The following EIF5B variants were observed in gnomAD, a reference collection of about 807,000 sequenced individuals.
EIF5B encodes eukaryotic translation initiation factor 5B.
In EIF5B, 47 loss-of-function variants were observed where a neutral mutation model predicts 147.5. The observed-to-expected ratio is 0.32, with a 90% confidence interval of 0.25 to 0.41. The LOEUF (loss-of-function observed/expected upper bound fraction) is 0.41. EIF5B is among the 10% of genes least tolerant of loss of function. The pLI, the probability that EIF5B is intolerant of heterozygous loss-of-function variation, is 1.00. For missense variants in EIF5B, 1,064 were observed against 1,413.2 expected (o/e 0.75, Z 3.96); for synonymous variants, 455 against 456.2 (o/e 1.00, Z 0.03).
chr2:99,387,150 C>T (rs565856193), intron 14 of EIF5B, among the ~76,000 whole-genome samples: 4 of 152,230 alleles, frequency 2.6e-5, no homozygotes, highest in Non-Finnish European at 4.4e-5. Flanking sequence ...TCAAGTGATC[C>T]GCCAGCCTTG....
intron 14 of EIF5B, among the ~76,000 whole-genome samples, chr2:99,385,325 G>A (rs979649613): frequency 3.9e-5 from 6 of 152,178 alleles, no homozygotes; most frequent in Admixed American, 2.0e-4. Context: ...GATTACAGGC[G>A]TGAGCCACTG....
chr2:99,383,583 C>G (rs149309441), intron 14 of EIF5B, among the ~76,000 whole-genome samples: 3 of 152,180 alleles, frequency 2.0e-5, no homozygotes, highest in Admixed American at 1.3e-4. Context: ...AGGAAGCTGT[C>G]GAAGAAAAGT....
chr2:99,363,802 G>A lies in EIF5B; in HGVS notation c.1077G>A (p.Lys359=). Residue 359 remains lysine (K), a synonymous_variant, in exon 5 of 24, where the codon AAG becomes AAA. Coordinates refer to ENST00000289371, the MANE Select transcript of EIF5B (RefSeq NM_015904.4). ...TTAAAGAGGAAGAAGAAAGACAGAA[G>A]AGAGAAGAGGAAGAACGTATAAAAC... ...AKLKEEEERQ[K]REEEERIKRL... 1 of 1,613,978 alleles carries A rather than the reference G, an allele frequency of 6.2e-7. No individual in the cohort carries two copies. Among genetic ancestry groups the A allele is most frequent in the South Asian group, 1.1e-5 (1 of 91,028 alleles).
chr2:99,396,775 T>C lies in EIF5B; in HGVS notation c.3270T>C (p.Phe1090=), dbSNP rs1281028896. The change falls in exon 22 of 24, where the codon TTT becomes TTC. Residue 1090 remains phenylalanine (F), a synonymous_variant. Coordinates refer to ENST00000289371, the MANE Select transcript of EIF5B (RefSeq NM_015904.4). ...TTCCTTTCAGGCACATAGCAGTATT[T>C]CCCTGCAAGATAAAAATCCTCCCTC... ...KQEEFKHIAV[F]PCKIKILPQY... 1.9e-6 allele frequency: 3 copies of C among 1,610,880 alleles called. No homozygotes were observed. The highest frequency in any genetic ancestry group is 2.5e-6 in the Non-Finnish European group (3 of 1,179,076).
intron 6 of EIF5B, among the ~76,000 whole-genome samples, chr2:99,367,036 C>G (rs1012403524): frequency 2.0e-5 from 3 of 152,140 alleles, no homozygotes; most frequent in Non-Finnish European, 4.4e-5. Flanking sequence ...TAAAAATTGA[C>G]CCAAATGGGT....
intron 8 of EIF5B, among the ~76,000 whole-genome samples, chr2:99,369,828 T>G (rs1026378678): frequency 6.6e-6 from 1 of 152,004 alleles, no homozygotes; most frequent in Non-Finnish European, 1.5e-5. Context: ...TACAAAAAAT[T>G]AGCCGGGGGT....
chr2:99,389,901 A>G, intron 15 of EIF5B, 52 bp downstream of exon 15: 1 of 1,539,024 alleles, frequency 6.5e-7, no homozygotes, highest in Non-Finnish European at 8.7e-7. Flanking sequence ...TATGTATTAT[A>G]TTATCTTTAT....
At chr2:99,366,729 G>A (rs190416463) in intron 6 of EIF5B, among the ~76,000 whole-genome samples, 1 of 152,082 alleles carries the variant, frequency 6.6e-6, no homozygotes, top group East Asian at 2.0e-4. Flanking sequence ...GTAGCTATCT[G>A]TCAACTAGTT....
At chr2:99,338,171 C>T in intron 1 of EIF5B, 1 of 382,846 alleles carries the variant, frequency 2.6e-6, no homozygotes, top group Non-Finnish European at 4.4e-6. Context: ...TTCTTCCGGC[C>T]TGTTTTTTTT....
chr2:99,365,151 T>G (rs1450756197), intron 6 of EIF5B, among the ~76,000 whole-genome samples: 1 of 152,208 alleles, frequency 6.6e-6, no homozygotes, highest in Non-Finnish European at 1.5e-5. Context: ...TATATTACAG[T>G]CATTTTGGTG....
At chr2:99,399,152 G>T in intron 23 of EIF5B, 155 bp from the exon 24 acceptor site, 1 of 795,924 alleles carries the variant, frequency 1.3e-6, no homozygotes, top group Non-Finnish European at 2.0e-6. Flanking sequence ...CAAACCAGAT[G>T]TGATTTTGGA....
At chr2:99,338,957 T>C (rs943019746) in intron 1 of EIF5B, among the ~76,000 whole-genome samples, 6 of 116,730 alleles carry the variant, frequency 5.1e-5, no homozygotes, top group Non-Finnish European at 7.8e-5. Flanking sequence ...TATACACACA[T>C]ATATATAAAT....
intron 1 of EIF5B, among the ~76,000 whole-genome samples, chr2:99,348,508 A>T (rs1300354740): frequency 6.6e-6 from 1 of 152,180 alleles, no homozygotes; most frequent in African/African-American, 2.4e-5. Context: ...GAAGATGAAG[A>T]CTGGGGAAAT....
chr2:99,361,814 G>C lies in EIF5B; in HGVS notation c.913G>C (p.Ala305Pro). ...AGAGAAAGCAGAGACTCCCACAGCT[G>C]CAGAAGGTTGGTTAATACTTTAGAG... ...SEEKAETPTAAEDDNEGDKKK... is the reference protein window; with the variant it reads ...SEEKAETPTAPEDDNEGDKKK... The change falls in exon 4 of 24, where the codon GCA (alanine) becomes CCA (proline). Residue 305 changes from alanine to proline, a missense_variant. This residue lies in a region of EIF5B where 458 missense variants were observed against 451.3 expected (regional missense o/e 1.01). Coordinates refer to ENST00000289371, the MANE Select transcript of EIF5B (RefSeq NM_015904.4). The C allele has an allele frequency of 6.5e-7, 1 of 1,539,866 alleles. No individual in the cohort carries two copies. The highest frequency in any genetic ancestry group is 8.7e-7 in the Non-Finnish European group (1 of 1,154,444).
rs1675326474 is a variant in EIF5B, at chr2:99,401,095, C to T, written c.*1681C>T. 2.0e-6 allele frequency: 1 copy of T among 497,002 alleles called. No homozygotes were observed. Among genetic ancestry groups the T allele is most frequent in the South Asian group, 3.6e-5 (1 of 27,540 alleles). The allele number at this position is 497,002 out of a possible 1,614,324, so 30.8% of individuals were successfully genotyped here. A position where few individuals can be genotyped will look rare whatever the true frequency, so the allele number is the denominator to read the frequency against. On this transcript the variant is annotated 3_prime_UTR_variant, in exon 24 of 24. Transcript: ENST00000289371. ...ACATGCAATACTGACAAATTTGGCA[C>T]TTTTTGAAAAGAAATGTACAAAACA...
At chr2:99,350,532 A>G (rs1373979904) in intron 1 of EIF5B, among the ~76,000 whole-genome samples, 1 of 151,854 alleles carries the variant, frequency 6.6e-6, no homozygotes, top group Non-Finnish European at 1.5e-5. Flanking sequence ...TTTTTCATAT[A>G]CCTGGTGCCC....
chr2:99,395,027 C>T (rs780515219), intron 21 of EIF5B, 144 bp downstream of exon 21: 7 of 778,998 alleles, frequency 9.0e-6, no homozygotes, highest in Non-Finnish European at 1.4e-5. Flanking sequence ...GTGTTACAAA[C>T]CAGAAACCCA....
At position 99,394,270 on chromosome 2, in the gene EIF5B, G is replaced by T; in HGVS notation, c.2884G>T (p.Glu962Ter). ...TCAAATCTGATTTCTTTTCAAGGAT[G>T]AATTGATCCATGAGTTAAAGCAGAC... ...KEDEIPVLKD[E>*]LIHELKQTLN... The change falls in exon 19 of 24, where the codon GAA (glutamate) becomes TAA (stop). Residue 962 changes from glutamate to a stop codon, truncating the protein, a stop_gained. Transcript: ENST00000289371. LOFTEE classifies it high-confidence loss of function. 1 of 1,606,496 alleles carries T rather than the reference G, an allele frequency of 6.2e-7. No individual in the cohort carries two copies. The highest frequency in any genetic ancestry group is 1.1e-5 in the South Asian group (1 of 90,364).
intron 1 of EIF5B, among the ~76,000 whole-genome samples, chr2:99,353,834 A>G (rs1247531468): frequency 1.3e-5 from 2 of 152,194 alleles, no homozygotes; most frequent in South Asian, 2.1e-4. Context: ...CTTGGGATCT[A>G]TCGAAGTTGT....
Sources: gnomAD v4.1 joint callset for allele counts (sites outside exome capture counted in the v4.1 genomes callset) on GRCh38, gnomAD v4.1.1 for gene constraint, gnomAD v4.1.1 regional missense constraint, MANE v1.5 for transcripts, NCBI Gene and HGNC (gene_info 2026-07-23, HGNC 2026-07-21) for gene names.